The following RNF43 variants were observed in gnomAD, a reference collection of about 807,000 sequenced individuals.
RNF43 encodes E3 ubiquitin-protein ligase RNF43.
A neutral mutation model predicts 78.4 loss-of-function variants in RNF43; 37 were observed. The observed-to-expected ratio is 0.47, with a 90% CI of 0.36 to 0.62. RNF43 has a LOEUF of 0.62. Among genes scored for constraint, RNF43 ranks in the 20% least tolerant of loss-of-function variants. RNF43 has a pLI of 0.00. For synonymous variants in RNF43, 347 were observed against 395.0 expected (o/e 0.88, Z 1.44); for missense variants, 774 against 1,007.9 (o/e 0.77, Z 3.14).
intron 2 of RNF43, among the ~76,000 whole-genome samples, chr17:58,389,418 A>C (rs539106838): frequency 1.3e-5 from 2 of 152,230 alleles, no homozygotes; most frequent in Non-Finnish European, 2.9e-5. Context: ...TGAACATTTA[A>C]ATCTTAAAGG....
intron 2 of RNF43, among the ~76,000 whole-genome samples, chr17:58,388,975 C>G (rs1187009616): frequency 1.3e-5 from 2 of 152,202 alleles, no homozygotes; most frequent in African/African-American, 2.4e-5. Context: ...ACAAAGGCTA[C>G]TGCATGCCAA....
intron 2 of RNF43, among the ~76,000 whole-genome samples, chr17:58,393,040 C>T (rs1234468375): frequency 6.6e-6 from 1 of 152,222 alleles, no homozygotes; most frequent in Non-Finnish European, 1.5e-5. Flanking sequence ...CATCTTCCTC[C>T]TTAACCTAGT....
At chr17:58,353,117 A>C (rs1972598677), downstream of RNF43, 1 of 206,032 alleles carries the variant, frequency 4.9e-6, no homozygotes, top group Non-Finnish European at 9.9e-6. Context: ...GAGCTTTGGG[A>C]TATAAATAGT....
chr17:58,359,607 A>AAAT (rs376555627), intron 8 of RNF43, among the ~76,000 whole-genome samples: 4,038 of 148,964 alleles, frequency 0.027, 90 homozygotes, highest in Admixed American at 0.068. Context: ...CCAACTCAAA[A>AAAT]AATAATAATA....
chr17:58,374,442 G>A (rs1248510322), intron 2 of RNF43, among the ~76,000 whole-genome samples: 5 of 150,932 alleles, frequency 3.3e-5, no homozygotes, highest in Admixed American at 2.0e-4. Flanking sequence ...ACCCAGGCTG[G>A]AGTGCAGTGG....
intron 2 of RNF43, among the ~76,000 whole-genome samples, chr17:58,402,112 G>A (rs895518801): frequency 4.6e-5 from 7 of 152,178 alleles, no homozygotes; most frequent in Admixed American, 3.3e-4. Flanking sequence ...TTTTTACCAG[G>A]TTTGTCTCCA....
At chr17:58,376,618 T>A (rs986900674) in intron 2 of RNF43, among the ~76,000 whole-genome samples, 64 of 152,344 alleles carry the variant, frequency 4.2e-4, no homozygotes, top group African/African-American at 1.5e-3. Flanking sequence ...CCAAGGAATT[T>A]TCAGCCAGGA....
chr17:58,366,077 A>G (rs1972943379), intron 3 of RNF43, among the ~76,000 whole-genome samples: 1 of 152,252 alleles, frequency 6.6e-6, no homozygotes, highest in African/African-American at 2.4e-5. Context: ...GCACCAAGCC[A>G]TAGAAGGCCA....
rs2143395594 is a variant in RNF43 at position 58,357,838 on chromosome 17, G to C, written c.1938C>G (p.Ser646Arg). Residue 646 changes from serine to arginine, a missense_variant, in exon 9 of 10, where the codon AGC becomes AGG. By Grantham distance (110) the Ser-to-Arg change is moderately radical. Transcript: ENST00000407977. This position sits in a 1 kb window ranked among gnomAD's most constrained non-coding sequence, Gnocchi z 4.5. ...TSSLFNLQKS[S>R]LSARHPQRKR... ...TCCTCTGTGGGTGTCGGGCAGAGAG[G>C]CTGGATTTTTGCAAGTTGAACAGAC... The C allele has an allele frequency of 6.2e-7, 1 of 1,614,172 alleles. No homozygotes were observed.
intron 2 of RNF43, among the ~76,000 whole-genome samples, chr17:58,410,390 G>A (rs1441108115): frequency 1.3e-5 from 2 of 152,176 alleles, no homozygotes; most frequent in African/African-American, 4.8e-5. Context: ...ATGTTTGTGC[G>A]CACAGAGGAA....
At chr17:58,392,863 C>G (rs1200052447) in intron 2 of RNF43, among the ~76,000 whole-genome samples, 1 of 152,168 alleles carries the variant, frequency 6.6e-6, no homozygotes. Context: ...GGTGACCCAC[C>G]CTGTGTAGTG....
intron 3 of RNF43, among the ~76,000 whole-genome samples, chr17:58,367,103 C>T (rs998018861): frequency 1.2e-4 from 18 of 149,986 alleles, no homozygotes; most frequent in African/African-American, 3.7e-4. Context: ...TGGGTTCAAG[C>T]GATTCTCCTG....
intron 9 of RNF43, among the ~76,000 whole-genome samples, chr17:58,355,896 G>A (rs1424383534): frequency 6.6e-6 from 1 of 152,220 alleles, no homozygotes; most frequent in Non-Finnish European, 1.5e-5. Context: ...CTAAGACACT[G>A]GCAGGGCCAT....
At chr17:58,373,489 A>G (rs1366772137) in intron 2 of RNF43, among the ~76,000 whole-genome samples, 1 of 152,226 alleles carries the variant, frequency 6.6e-6, no homozygotes, top group Non-Finnish European at 1.5e-5. Context: ...TTATTTCACC[A>G]TAAGGTAGGT....
rs1972725033 is a variant in RNF43 at position 58,357,837 on chromosome 17, G to A, written c.1939C>T (p.Leu647Phe). ...TTCCTCTGTGGGTGTCGGGCAGAGA[G>A]GCTGGATTTTTGCAAGTTGAACAGA... ...SSLFNLQKSSLSARHPQRKRR... is the reference protein window; with the variant it reads ...SSLFNLQKSSFSARHPQRKRR... Residue 647 changes from leucine to phenylalanine, a missense_variant, in exon 9 of 10, where the codon CTC becomes TTC. By Grantham distance (22) the Leu-to-Phe change is conservative (BLOSUM62 0). Coordinates refer to ENST00000407977, the MANE Select transcript of RNF43 (RefSeq NM_017763.6). The surrounding 1 kb of genome is among the most constrained non-coding windows in gnomAD (Gnocchi z 4.5). The A allele has an allele frequency of 6.2e-7, 1 of 1,614,204 alleles. No homozygotes were observed. Among genetic ancestry groups the A allele is most frequent in the African/African-American group, 1.3e-5 (1 of 75,040 alleles).
intron 2 of RNF43, among the ~76,000 whole-genome samples, chr17:58,372,532 T>C (rs1973121644): frequency 6.6e-6 from 1 of 152,222 alleles, no homozygotes; most frequent in Non-Finnish European, 1.5e-5. Flanking sequence ...TATCTGTCCA[T>C]GCATCCATTC....
At chr17:58,383,631 T>G (rs1457247883) in intron 2 of RNF43, among the ~76,000 whole-genome samples, 1 of 151,820 alleles carries the variant, frequency 6.6e-6, no homozygotes, top group Non-Finnish European at 1.5e-5. Context: ...TTTTTTGCAT[T>G]TTGGTGTTTT....
chr17:58,368,364 A>G (rs1177934157), intron 3 of RNF43, among the ~76,000 whole-genome samples: 1 of 152,216 alleles, frequency 6.6e-6, no homozygotes, highest in East Asian at 1.9e-4. Context: ...CCTGGCCAAC[A>G]TGGTGAAACC....
intron 2 of RNF43, among the ~76,000 whole-genome samples, chr17:58,404,362 C>T (rs1210315296): frequency 2.6e-5 from 4 of 152,150 alleles, no homozygotes; most frequent in African/African-American, 9.7e-5. Flanking sequence ...TTATTTAGTT[C>T]TCCCCCAACT....
Sources: allele counts gnomAD v4.1 joint callset (sites outside exome capture counted in the v4.1 genomes callset), GRCh38; gene constraint gnomAD v4.1.1; non-coding constraint Gnocchi (gnomAD v3.1); transcripts MANE v1.5; gene names NCBI Gene and HGNC (gene_info 2026-07-23, HGNC 2026-07-21).